SPATS2: variants seen among roughly 807,000 people sequenced by gnomAD.
The protein encoded by SPATS2 is spermatogenesis-associated serine-rich protein 2.
SPATS2 carries 38 observed loss-of-function variants against 63.7 expected under a neutral mutation model. The observed-to-expected ratio is 0.60, with a 90% CI of 0.46 to 0.78. The LOEUF (loss-of-function observed/expected upper bound fraction) is 0.78, where lower values mean the gene tolerates loss of function less well. Among genes scored for constraint, SPATS2 ranks in the 30% least tolerant of loss-of-function variants. The probability of loss-of-function intolerance (pLI) is 0.00; values close to 1 mark genes in which losing one functional copy is unlikely to be tolerated. For missense variants in SPATS2, 588 were observed against 666.2 expected (o/e 0.88, Z 1.29); for synonymous variants, 207 against 232.9 (o/e 0.89, Z 1.01).
intron 2 of SPATS2, among the ~76,000 whole-genome samples, chr12:49,428,271 A>G (rs1945118661): frequency 6.7e-6 from 1 of 148,192 alleles, no homozygotes; most frequent in African/African-American, 2.6e-5. Context: ...CAAACAAACA[A>G]ACAAAAAAAA....
rs80241686 is a variant in SPATS2 at position 49,396,773 on chromosome 12, T to G, written c.-244+25483T>G. 7.4e-3 allele frequency among the ~76,000 whole-genome samples: 1,127 copies of G among 152,352 alleles called. 15 individuals are homozygous for G. The highest frequency in any genetic ancestry group is 0.026 in the African/African-American group (1,079 of 41,574). On this transcript the variant is annotated intron_variant, in intron 2 of 13. Transcript: ENST00000552918. ...GGAGCAGTCCTTTTTGTTTCTTAATTTATGCTCAGTTCCATCTTGTTTTGG... is the reference window on the plus strand; with the variant it reads ...GGAGCAGTCCTTTTTGTTTCTTAATGTATGCTCAGTTCCATCTTGTTTTGG...
intron 2 of SPATS2, among the ~76,000 whole-genome samples, chr12:49,456,141 A>T (rs1024313860): frequency 6.6e-6 from 1 of 152,074 alleles, no homozygotes; most frequent in African/African-American, 2.4e-5. Context: ...GCTGGTTTTC[A>T]TGGCTTTCCC....
chr12:49,511,789 G>A (rs1946758035), intron 9 of SPATS2, among the ~76,000 whole-genome samples: 1 of 152,170 alleles, frequency 6.6e-6, no homozygotes, highest in Non-Finnish European at 1.5e-5. Flanking sequence ...TGTAAAAAAT[G>A]CCTATGTTGT....
chr12:49,502,348 A>T (rs1946579964), intron 9 of SPATS2, among the ~76,000 whole-genome samples: 1 of 152,244 alleles, frequency 6.6e-6, no homozygotes, highest in South Asian at 2.1e-4. Context: ...ACCAAAACTT[A>T]CTTTGGGGCT....
At chr12:49,512,462 G>T (rs1946768615) in intron 9 of SPATS2, among the ~76,000 whole-genome samples, 1 of 151,760 alleles carries the variant, frequency 6.6e-6, no homozygotes, top group South Asian at 2.1e-4. Context: ...GGGTTATATG[G>T]TTGTCCATGC....
chr12:49,460,487 G>A (rs979572165), intron 2 of SPATS2, among the ~76,000 whole-genome samples: 1 of 152,086 alleles, frequency 6.6e-6, no homozygotes, highest in South Asian at 2.1e-4. Context: ...GGAGTGGTAA[G>A]AGGTGTAACA....
chr12:49,518,952 C>A, intron 10 of SPATS2, 121 bp from the exon 11 acceptor site: 1 of 591,740 alleles, frequency 1.7e-6, no homozygotes, highest in Non-Finnish European at 2.7e-6. Flanking sequence ...TTTTCATTTT[C>A]TGGGTGGATA....
Position 49,367,486 on chromosome 12 carries a change from A to C in SPATS2, c.-408A>C, listed in dbSNP as rs1943918578. The C allele has an allele frequency of 5.1e-6, 2 of 395,744 alleles. No individual in the cohort carries two copies. The highest frequency in any genetic ancestry group is 4.4e-6 in the Non-Finnish European group (1 of 225,076). The allele number at this position is 395,744 out of a possible 1,614,324, so 24.5% of individuals were successfully genotyped here. A position where few individuals can be genotyped will look rare whatever the true frequency, so the allele number is the denominator to read the frequency against. On this transcript the variant is annotated 5_prime_UTR_variant, in exon 1 of 14. Coordinates refer to ENST00000552918, the MANE Select transcript of SPATS2 (RefSeq NM_023071.4). The stretch of plus-strand genomic sequence containing the variant: ...CGGCGACGGCGGCGGTGGCTCTAGA[A>C]GGGGAGGTGGAGGATCTCCTTTCCT...
At chr12:49,523,521 A>G (rs1312219397) in intron 12 of SPATS2, among the ~76,000 whole-genome samples, 1 of 151,968 alleles carries the variant, frequency 6.6e-6, no homozygotes, top group African/African-American at 2.4e-5. Context: ...GGAGAAAATA[A>G]TACTTGTCTT....
intron 2 of SPATS2, among the ~76,000 whole-genome samples, chr12:49,374,958 C>CAA (rs10687716): frequency 0.24 from 5,889 of 24,676 alleles, 1,475 homozygotes; most frequent in African/African-American, 0.41. Context: ...GGATCTGTCT[C>CAA]AAAAAAAAAA....
intron 2 of SPATS2, among the ~76,000 whole-genome samples, chr12:49,456,683 C>T (rs1478714165): frequency 2.0e-5 from 3 of 152,160 alleles, no homozygotes; most frequent in Non-Finnish European, 4.4e-5. Context: ...AGTGGTCCAG[C>T]TCTGGATGTA....
intron 3 of SPATS2, among the ~76,000 whole-genome samples, chr12:49,477,962 CTTTTT>C (rs1002916907): frequency 7.2e-4 from 76 of 105,232 alleles, no homozygotes; most frequent in African/African-American, 1.0e-3. Flanking sequence ...GTGGTTTTGT[CTTTTT>C]TTTTTTTTTT....
intron 10 of SPATS2, among the ~76,000 whole-genome samples, chr12:49,517,499 G>A (rs1946870477): frequency 1.3e-5 from 2 of 152,200 alleles, no homozygotes; most frequent in African/African-American, 2.4e-5. Context: ...TGACTACATG[G>A]AACAGAGTGG....
At chr12:49,398,135 C>CAAAAAAAAAAAAAAA (rs71080193) in intron 2 of SPATS2, among the ~76,000 whole-genome samples, 11 of 45,382 alleles carry the variant, frequency 2.4e-4, no homozygotes, top group African/African-American at 5.8e-4. Context: ...GACCCTGTCT[C>CAAAAAAAAAAAAAAA]AAAAAAAAAA....
chr12:49,393,682 A>T (rs1281437744), intron 2 of SPATS2, among the ~76,000 whole-genome samples: 7 of 152,124 alleles, frequency 4.6e-5, no homozygotes, highest in Non-Finnish European at 1.0e-4. Flanking sequence ...ATTGATGTTC[A>T]TATTGTGTCA....
At chr12:49,419,637 T>C (rs1944945812) in intron 2 of SPATS2, among the ~76,000 whole-genome samples, 1 of 152,246 alleles carries the variant, frequency 6.6e-6, no homozygotes. Context: ...TAATGTTTAG[T>C]TTGTACATTG....
intron 9 of SPATS2, among the ~76,000 whole-genome samples, chr12:49,511,545 G>A (rs2138023910): frequency 6.6e-6 from 1 of 152,156 alleles, no homozygotes; most frequent in South Asian, 2.1e-4. Context: ...GTACCCTGAG[G>A]TATTGGAGTG....
At chr12:49,368,568 C>T (rs1296892131) in intron 1 of SPATS2, among the ~76,000 whole-genome samples, 1 of 152,188 alleles carries the variant, frequency 6.6e-6, no homozygotes, top group Non-Finnish European at 1.5e-5. Flanking sequence ...CTTGTGCCAT[C>T]TGCTACTGGT....
At chr12:49,461,077 TATAATG>T in intron 3 of SPATS2, 40 bp downstream of exon 3, 2 of 1,603,218 alleles carry the variant, frequency 1.2e-6, no homozygotes, top group East Asian at 4.5e-5. Flanking sequence ...AAAGCATAGT[TATAATG>T]ATCCCCATTT....
Sources: allele counts gnomAD v4.1 joint callset (sites outside exome capture counted in the v4.1 genomes callset), GRCh38; gene constraint gnomAD v4.1.1; transcripts MANE v1.5; gene names NCBI Gene and HGNC (gene_info 2026-07-23, HGNC 2026-07-21).